Variants in RDH10 observed in about 807,000 individuals in gnomAD.
RDH10 encodes retinol dehydrogenase 10 (all-trans).
In RDH10, 12 loss-of-function variants were observed where a neutral mutation model predicts 30.2. The ratio of observed to expected loss-of-function variants is 0.40; its 90% CI spans 0.25 to 0.64. The LOEUF is 0.64. RDH10 is among the 30% of genes least tolerant of loss of function. The pLI, the probability that RDH10 is intolerant of heterozygous loss-of-function variation, is 0.43. For missense variants in RDH10, 268 were observed against 445.2 expected (o/e 0.60, Z 3.58); for synonymous variants, 189 against 172.2 (o/e 1.10, Z -0.76).
intron 1 of RDH10, chr8:73,296,933 A>G (rs1047721183): frequency 6.9e-6 from 3 of 432,122 alleles, no homozygotes; most frequent in African/African-American, 4.0e-5. Flanking sequence ...CATGTGGTCT[A>G]CTTGTATTGG....
In RDH10 at chr8:73,305,223, T is replaced by C. The variant is rs908839919; in HGVS notation, c.525+7794T>C. ...AACTGCTCACACTCCACTTATTCTC[T>C]TCTCCTACATTTGTTTTTACTCTGA... On this transcript the variant is annotated intron_variant, in intron 2 of 5. Transcript: ENST00000240285. Among the ~76,000 whole-genome samples the C allele has an allele frequency of 8.5e-5, 13 of 152,338 alleles. 1 individual carries two copies. The highest frequency in any genetic ancestry group is 3.4e-3 in the Middle Eastern group (1 of 294).
At position 73,295,168 on chromosome 8, in the gene RDH10, C is replaced by T; in HGVS notation, c.-122C>T. The T allele has an allele frequency of 2.0e-6, 2 of 983,550 alleles. No homozygotes were observed. The highest frequency in any genetic ancestry group is 2.8e-6 in the Non-Finnish European group (2 of 722,142). 60.9% of individuals were successfully genotyped at this position (983,550 alleles called of 1,614,324 possible). ...CCGGCGGGCACCTCGGGGGCGGGCG[C>T]GGGGCGCAGCCTTCTCGTCCCGGCC... is the stretch of plus-strand genomic sequence containing the variant. On this transcript the variant is annotated 5_prime_UTR_variant, in exon 1 of 6. Transcript: ENST00000240285.
In RDH10 at chr8:73,295,222, C is replaced by G; in HGVS notation, c.-68C>G. ...GTGACAAGCGCCCCGGAGCCGGGAG[C>G]CCGATTGCCGGGCTCGGGGTGGGCG... On this transcript the variant is annotated 5_prime_UTR_variant, in exon 1 of 6. Transcript: ENST00000240285. 7.2e-7 allele frequency: 1 copy of G among 1,385,828 alleles called. No individual in the cohort carries two copies. Among genetic ancestry groups the G allele is most frequent in the East Asian group, 2.9e-5 (1 of 34,674 alleles). The allele number at this position is 1,385,828 out of a possible 1,614,324, so 85.8% of individuals were successfully genotyped here.
At chr8:73,318,188 A>G (rs1047692709) in intron 2 of RDH10, among the ~76,000 whole-genome samples, 1 of 152,154 alleles carries the variant, frequency 6.6e-6, no homozygotes. Flanking sequence ...CTGGTGGAGT[A>G]GTTAATAGAT....
chr8:73,322,143 T>A, intron 4 of RDH10: 1 of 385,500 alleles, frequency 2.6e-6, no homozygotes, highest in Non-Finnish European at 5.2e-6. Flanking sequence ...CATTTCAACA[T>A]GTAACCCAGT....
intron 2 of RDH10, among the ~76,000 whole-genome samples, chr8:73,298,459 A>T (rs574932929): frequency 2.0e-5 from 3 of 152,350 alleles, no homozygotes; most frequent in Admixed American, 6.5e-5. Context: ...TCAAGCATCA[A>T]ACCTTTTCTC....
At chr8:73,322,626 G>C in intron 4 of RDH10, 53 bp from the exon 5 acceptor site, 1 of 1,430,530 alleles carries the variant, frequency 7.0e-7, no homozygotes, top group Non-Finnish European at 9.8e-7. Context: ...TGTATTTCCA[G>C]TCTTTTCTAT....
chr8:73,299,285 C>T (rs1371545973), intron 2 of RDH10, among the ~76,000 whole-genome samples: 1 of 152,118 alleles, frequency 6.6e-6, no homozygotes, highest in South Asian at 2.1e-4. Context: ...GAATTAAAGT[C>T]CTTGCTGTGG....
intron 2 of RDH10, among the ~76,000 whole-genome samples, chr8:73,302,614 G>A (rs1046085607): frequency 1.3e-5 from 2 of 152,174 alleles, no homozygotes; most frequent in East Asian, 1.9e-4. Context: ...GAGCCCAGGG[G>A]TTGTAGACTG....
In RDH10 at chr8:73,321,041, T is replaced by A; in HGVS notation, c.734T>A (p.Leu245His). ...AAAACAACCTTGGTTTGCCCTTATC[T>A]TGTAGACACTGGCATGTTCAGAGGC... ...GIKTTLVCPY[L>H]VDTGMFRGCR... is the part of the protein sequence containing the mutation. Residue 245 changes from leucine (L) to histidine (H), a missense_variant, in exon 4 of 6, where the codon CTT becomes CAT. Transcript: ENST00000240285. The A allele has an allele frequency of 6.2e-7, 1 of 1,614,122 alleles. No individual in the cohort carries two copies. Among genetic ancestry groups the A allele is most frequent in the Non-Finnish European group, 8.5e-7 (1 of 1,179,950 alleles).
chr8:73,318,157 G>C (rs901897352), intron 2 of RDH10, among the ~76,000 whole-genome samples: 1 of 152,204 alleles, frequency 6.6e-6, no homozygotes, highest in Non-Finnish European at 1.5e-5. Context: ...TTAAGAAGCA[G>C]GTTATAAAAC....
At chr8:73,298,767 G>T (rs1814324350) in intron 2 of RDH10, among the ~76,000 whole-genome samples, 2 of 152,066 alleles carry the variant, frequency 1.3e-5, no homozygotes, top group Non-Finnish European at 2.9e-5. Context: ...AGCTCAGGCA[G>T]TCCACCCACC....
intron 2 of RDH10, among the ~76,000 whole-genome samples, chr8:73,309,152 C>G (rs545010776): frequency 1.1e-4 from 17 of 152,254 alleles, no homozygotes; most frequent in African/African-American, 3.9e-4. Flanking sequence ...AGACCACGCA[C>G]TCTGGGGCCC....
chr8:73,301,969 T>C (rs1180601295), intron 2 of RDH10, among the ~76,000 whole-genome samples: 4 of 152,222 alleles, frequency 2.6e-5, no homozygotes, highest in African/African-American at 9.6e-5. Flanking sequence ...AGGCTGGTGT[T>C]GGTATGCCAG....
intron 4 of RDH10, chr8:73,322,338 T>G (rs1814786788): frequency 3.5e-6 from 1 of 284,438 alleles, no homozygotes; most frequent in Non-Finnish European, 6.8e-6. Context: ...TGCTTGAGAT[T>G]AGTGTTTGCT....
rs1314515729 is a variant in RDH10 at position 73,323,355 on chromosome 8, G to GACAT, written c.*321_*322insATAC. On this transcript the variant is annotated 3_prime_UTR_variant, in exon 6 of 6. Coordinates refer to ENST00000240285, the MANE Select transcript of RDH10 (RefSeq NM_172037.5). ...GCAGGAAGTCTAGAAATGATAACTA[G>GACAT]ACTGTATGTTTCATGTGTGTGATTT... The GACAT allele has an allele frequency of 4.6e-6, 1 of 216,088 alleles. No individual in the cohort carries two copies. Among genetic ancestry groups the GACAT allele is most frequent in the African/African-American group, 2.3e-5 (1 of 44,362 alleles). The allele number at this position is 216,088 out of a possible 1,614,324, so 13.4% of individuals were successfully genotyped here.
chr8:73,313,087 C>A (rs572300541), intron 2 of RDH10: 2 of 152,330 alleles, frequency 1.3e-5, no homozygotes, highest in South Asian at 4.1e-4. Flanking sequence ...AAAAGTCAGA[C>A]CTTGCCGGAT....
At chr8:73,313,892 G>A (rs1159873383) in intron 2 of RDH10, among the ~76,000 whole-genome samples, 3 of 152,150 alleles carry the variant, frequency 2.0e-5, no homozygotes, top group Non-Finnish European at 1.5e-5. Flanking sequence ...CCCTTTACTA[G>A]ATGATAACTC....
intron 2 of RDH10, among the ~76,000 whole-genome samples, chr8:73,305,659 A>G (rs1043108179): frequency 2.6e-5 from 4 of 151,980 alleles, no homozygotes; most frequent in Admixed American, 2.6e-4. Flanking sequence ...AGAAAGTCCT[A>G]AATACCCAGG....
Sources: gnomAD v4.1 joint callset for allele counts (sites outside exome capture counted in the v4.1 genomes callset) on GRCh38, gnomAD v4.1.1 for gene constraint, MANE v1.5 for transcripts, NCBI Gene and HGNC (gene_info 2026-07-23, HGNC 2026-07-21) for gene names.